MPP7: variants seen among roughly 807,000 people sequenced by gnomAD.
MPP7 encodes MAGUK p55 subfamily member 7.
Under a neutral mutation model 76.5 loss-of-function variants are expected in MPP7, and 60 were observed. The observed-to-expected ratio is 0.78, with a 90% CI of 0.64 to 0.97. The LOEUF is 0.97. Ranked by LOEUF, MPP7 falls within the 50% of genes least tolerant of loss-of-function variation. The probability of loss-of-function intolerance (pLI) is 0.00; values close to 1 mark genes in which losing one functional copy is unlikely to be tolerated. For missense variants in MPP7, 641 were observed against 694.0 expected (o/e 0.92, Z 0.86); for synonymous variants, 237 against 244.5 (o/e 0.97, Z 0.29).
At position 28,134,715 on chromosome 10, in the gene MPP7, A is replaced by C. The variant is rs78963290; in HGVS notation, c.316-3024T>G. ...TTTAGGAACAAGGAAAGATAAAAAG[A>C]AACCTATGCTTAATACATCACAGCA... On this transcript the variant is annotated intron_variant, in intron 5 of 16. Coordinates refer to ENST00000683449, the MANE Select transcript of MPP7 (RefSeq NM_001318170.2). 2.6e-5 allele frequency among the ~76,000 whole-genome samples: 4 copies of C among 152,310 alleles called. No homozygotes were observed. In the East Asian group the frequency reaches 7.7e-4, roughly 29 times the overall value.
intron 13 of MPP7, among the ~76,000 whole-genome samples, chr10:28,064,085 G>T (rs1851898950): frequency 6.6e-6 from 1 of 152,044 alleles, no homozygotes; most frequent in African/African-American, 2.4e-5. Flanking sequence ...TACATAGTTG[G>T]CCAAGAGAAA....
At chr10:28,241,677 AAATTG>A (rs1839274463) in intron 1 of MPP7, among the ~76,000 whole-genome samples, 1 of 152,200 alleles carries the variant, frequency 6.6e-6, no homozygotes. Flanking sequence ...GAATATTCTT[AAATTG>A]AAGTTCAATC....
chr10:28,251,952 T>C (rs1237866529), intron 1 of MPP7, among the ~76,000 whole-genome samples: 1 of 152,128 alleles, frequency 6.6e-6, no homozygotes, highest in Admixed American at 6.6e-5. Context: ...TCACTTTGGG[T>C]CTTCTAATCT....
At chr10:28,121,192 G>A (rs1452200562) in intron 8 of MPP7, among the ~76,000 whole-genome samples, 1 of 151,484 alleles carries the variant, frequency 6.6e-6, no homozygotes, top group African/African-American at 2.4e-5. Context: ...AAGGCCTCTT[G>A]AGCCCAGGAG....
At position 28,302,995 on chromosome 10, in the gene MPP7, C is replaced by A. The variant is rs889690777; in HGVS notation, c.-266G>T. Among the ~76,000 whole-genome samples the A allele has an allele frequency of 1.3e-5, 2 of 152,134 alleles. No homozygotes were observed. Among genetic ancestry groups the A allele is most frequent in the Non-Finnish European group, 2.9e-5 (2 of 67,994 alleles). ...CGGGAGCCAGCGGGCTCGGCACCGC[C>A]GCGGCGGGCGCAGAACGCACGAGCC... is the stretch of plus-strand genomic sequence containing the variant. On this transcript the variant is annotated 5_prime_UTR_variant, in exon 1 of 17. Transcript: ENST00000683449.
intron 3 of MPP7, among the ~76,000 whole-genome samples, chr10:28,167,310 C>A (rs201183875): frequency 1.0e-3 from 70 of 67,772 alleles, no homozygotes; most frequent in East Asian, 4.2e-3. Context: ...GGCTCTGCCT[C>A]AAAAAAACAA....
chr10:28,096,620 C>T (rs1853581995), intron 11 of MPP7, among the ~76,000 whole-genome samples: 1 of 152,096 alleles, frequency 6.6e-6, no homozygotes, highest in Non-Finnish European at 1.5e-5. Context: ...AAACTGTTTA[C>T]GTGTTTGAAT....
At chr10:28,170,464 C>T (rs1836643397) in intron 3 of MPP7, among the ~76,000 whole-genome samples, 1 of 151,884 alleles carries the variant, frequency 6.6e-6, no homozygotes, top group Non-Finnish European at 1.5e-5. Flanking sequence ...ACCACTGCAT[C>T]CAACTTCCTC....
chr10:28,215,750 T>C (rs533133960), intron 2 of MPP7, among the ~76,000 whole-genome samples: 1 of 152,316 alleles, frequency 6.6e-6, no homozygotes, highest in East Asian at 1.9e-4. Context: ...GTAAAACAGG[T>C]ATAGTCATGC....
chr10:28,303,098 T>G (rs1841206905), upstream of MPP7, among the ~76,000 whole-genome samples: 2 of 151,980 alleles, frequency 1.3e-5, no homozygotes, highest in Non-Finnish European at 2.9e-5. Flanking sequence ...GGGACCGCGG[T>G]TGGAGGGGCG....
rs186813644 is a variant in MPP7, at chr10:28,227,286, T to C, written c.37+11282A>G. ...AGAGAACAGCTTGAGGTCAACTACA[T>C]GGATAACGATCTTTTTTTAAATTTA... On this transcript the variant is annotated intron_variant, in intron 2 of 16. Transcript: ENST00000683449. Among the ~76,000 whole-genome samples, 30 of 152,342 alleles carry C rather than the reference T, an allele frequency of 2.0e-4. No homozygotes were observed. In the East Asian group the frequency reaches 5.6e-3, roughly 28 times the overall value.
At chr10:28,245,991 G>C (rs905666457) in intron 1 of MPP7, among the ~76,000 whole-genome samples, 38 of 151,866 alleles carry the variant, frequency 2.5e-4, no homozygotes, top group African/African-American at 9.7e-5. Context: ...AACCTAATGG[G>C]ACACCATCAA....
chr10:28,110,187 T>G (rs1178448885), intron 11 of MPP7, among the ~76,000 whole-genome samples: 1 of 151,908 alleles, frequency 6.6e-6, no homozygotes, highest in Non-Finnish European at 1.5e-5. Context: ...GCTCCTGAGT[T>G]CAAGCGATTC....
chr10:28,119,700 T>C lies in MPP7; in HGVS notation c.903A>G (p.Arg301=). 4 of 1,613,704 alleles carry C rather than the reference T, an allele frequency of 2.5e-6. No homozygotes were observed. The highest frequency in any genetic ancestry group is 3.4e-6 in the Non-Finnish European group (4 of 1,179,786). Residue 301 remains arginine (R), a synonymous_variant, in exon 11 of 17, where the codon AGA becomes AGG. Transcript: ENST00000683449. The stretch of plus-strand genomic sequence containing the variant: ...GGGGCTGAACCAATATTTCTGGTCG[T>C]CTCAAAGCCAATCTCCTGGGAGAAA... The part of the protein sequence containing the change: ...KHFQERRLAL[R]RPEILVQPLK...
chr10:28,319,041 T>C (rs1834343615), intron 2 of MPP7, among the ~76,000 whole-genome samples: 1 of 152,216 alleles, frequency 6.6e-6, no homozygotes, highest in African/African-American at 2.4e-5. Context: ...GAGTAATATA[T>C]AACGAAGAGT....
chr10:28,197,851 C>T (rs928404926), intron 3 of MPP7, among the ~76,000 whole-genome samples: 4 of 152,162 alleles, frequency 2.6e-5, no homozygotes, highest in Non-Finnish European at 5.9e-5. Flanking sequence ...TATTATATTG[C>T]ATGCTGGTAT....
At chr10:28,313,513 TAAAATA>T (rs1841301442) in intron 2 of MPP7, among the ~76,000 whole-genome samples, 1 of 56,366 alleles carries the variant, frequency 1.8e-5, no homozygotes, top group African/African-American at 6.5e-5. Flanking sequence ...CTCAGAAAGA[TAAAATA>T]AAAAAAAAGG....
At position 28,252,919 on chromosome 10, in the gene MPP7, GGA is replaced by G. The variant is rs1248508274; in HGVS notation, c.-131-14186_-131-14185del. On this transcript the variant is annotated intron_variant, in intron 1 of 16. Transcript: ENST00000683449. ...TCTCATCTGCATTTCTTTTTTTTTGGGAGGGGGGGGCGGAGTCCCACTGTGTC... is the reference window on the plus strand; with the variant it reads ...TCTCATCTGCATTTCTTTTTTTTTGGGGGGGGGGCGGAGTCCCACTGTGTC... Among the ~76,000 whole-genome samples, 12 of 150,822 alleles carry G rather than the reference GGA, an allele frequency of 8.0e-5. No individual in the cohort carries two copies. In the South Asian group the frequency reaches 2.3e-3, roughly 29 times the overall value.
At position 28,059,676 on chromosome 10, in the gene MPP7, C is replaced by T. The variant is rs563670218; in HGVS notation, c.1272G>A (p.Leu424=). The T allele has an allele frequency of 4.8e-5, 77 of 1,613,300 alleles. No individual in the cohort carries two copies. In the South Asian group the frequency reaches 7.2e-4, roughly 15 times the overall value. Residue 424 remains leucine, a synonymous_variant, in exon 14 of 17, where the codon TTG becomes TTA. Coordinates refer to ENST00000683449, the MANE Select transcript of MPP7 (RefSeq NM_001318170.2). ...TGTTATTTTGTACATCTGTCTCAAA[C>T]AAATGCTTGGAAATGAAAATGTATT... The part of the protein sequence containing the change: ...GVEYIFISKH[L]FETDVQNNKF...
Sources: gnomAD v4.1 joint callset for allele counts (sites outside exome capture counted in the v4.1 genomes callset) on GRCh38, gnomAD v4.1.1 for gene constraint, MANE v1.5 for transcripts, NCBI Gene and HGNC (gene_info 2026-07-23, HGNC 2026-07-21) for gene names.